WFS1: variants seen among roughly 807,000 people sequenced by gnomAD.
WFS1 encodes the protein wolframin.
A neutral mutation model predicts 68.5 loss-of-function variants in WFS1; 90 were observed. That is an observed-to-expected ratio of 1.31 (90% CI 1.11 to 1.56). The LOEUF is 1.56. Among genes scored for constraint, WFS1 ranks in the 40% most tolerant of loss-of-function variants. The pLI, the probability that WFS1 is intolerant of heterozygous loss-of-function variation, is 0.00. For missense variants in WFS1, 1,767 were observed against 1,232.6 expected, an observed-to-expected ratio of 1.43 and a Z score of -6.49; for synonymous variants, 860 against 540.7, an observed-to-expected ratio of 1.59 and a Z score of -8.19.
At chr4:6,294,693 T>C in intron 6 of WFS1, 1 of 360,638 alleles carries the variant, frequency 2.8e-6, no homozygotes, top group South Asian at 2.3e-5. Flanking sequence ...CAGCATGCAC[T>C]GGAGGTGCAT....
At chr4:6,291,715 G>A (rs1009224030) in intron 5 of WFS1, among the ~76,000 whole-genome samples, 4 of 152,170 alleles carry the variant, frequency 2.6e-5, no homozygotes, top group South Asian at 2.1e-4. Context: ...AGCACGCTAC[G>A]TGGTGCTGAG....
intron 4 of WFS1, 128 bp downstream of exon 4, chr4:6,289,259 G>GT: frequency 1.5e-6 from 2 of 1,309,946 alleles, no homozygotes; most frequent in Non-Finnish European, 1.0e-6. Context: ...TTCAGTTTCT[G>GT]TTTTGCTGGT....
chr4:6,287,042 G>A lies in WFS1; in HGVS notation c.233-51G>A. ...TGCCTTGTCCCCTCCATCCTGACAAGTGACAAAGTCTGGCTTTGTGACATG... is the reference window on the plus strand; with the variant it reads ...TGCCTTGTCCCCTCCATCCTGACAAATGACAAAGTCTGGCTTTGTGACATG... On this transcript the variant is annotated intron_variant, in intron 2 of 7. Transcript: ENST00000226760. This position sits in a 1 kb window ranked among gnomAD's most constrained non-coding sequence, Gnocchi z 6.4. 3 of 1,514,476 alleles carry A rather than the reference G, an allele frequency of 2.0e-6. No individual in the cohort carries two copies. Among genetic ancestry groups the A allele is most frequent in the Non-Finnish European group, 2.7e-6 (3 of 1,113,084 alleles). The allele number at this position is 1,514,476 out of a possible 1,614,324, so 93.8% of individuals were successfully genotyped here.
At chr4:6,279,518 C>T (rs1424199001) in intron 2 of WFS1, among the ~76,000 whole-genome samples, 1 of 152,160 alleles carries the variant, frequency 6.6e-6, no homozygotes, top group African/African-American at 2.4e-5. Flanking sequence ...TCATCTGCGC[C>T]CAGGGATCCC....
chr4:6,278,744 G>T (rs1730069271), intron 2 of WFS1, among the ~76,000 whole-genome samples: 1 of 152,236 alleles, frequency 6.6e-6, no homozygotes, highest in Non-Finnish European at 1.5e-5. Context: ...ACTCACTGCA[G>T]CCCTGGGCCC....
intron 2 of WFS1, among the ~76,000 whole-genome samples, chr4:6,284,211 A>T (rs997682358): frequency 6.6e-6 from 1 of 152,028 alleles, no homozygotes; most frequent in Non-Finnish European, 1.5e-5. Flanking sequence ...CTCTACTAAA[A>T]ATACAAAAAA....
chr4:6,273,742 C>T (rs988247288), intron 1 of WFS1, among the ~76,000 whole-genome samples: 1 of 152,228 alleles, frequency 6.6e-6, no homozygotes, highest in Admixed American at 6.5e-5. Context: ...TTCTGATCTT[C>T]ATTGTCCCTG....
At position 6,301,090 on chromosome 4, in the gene WFS1, T is replaced by G; in HGVS notation, c.1295T>G (p.Leu432Arg). 2 of 1,614,050 alleles carry G rather than the reference T, an allele frequency of 1.2e-6. No homozygotes were observed. The highest frequency in any genetic ancestry group is 1.7e-6 in the Non-Finnish European group (2 of 1,180,020). ...AAGGACTGCATCCCCTGCTCGGAGC[T>G]GGCTGTCATCACCGGCTTCTTTACC... The part of the protein sequence containing the change: ...ASKDCIPCSE[L>R]AVITGFFTVT... Residue 432 changes from leucine (L) to arginine (R), a missense_variant, in exon 8 of 8, where the codon CTG becomes CGG. By Grantham distance (102) the Leu-to-Arg change is moderately radical. Coordinates refer to ENST00000226760, the MANE Select transcript of WFS1 (RefSeq NM_006005.3).
At chr4:6,277,159 G>A (rs1730017482) in intron 1 of WFS1, among the ~76,000 whole-genome samples, 1 of 152,248 alleles carries the variant, frequency 6.6e-6, no homozygotes, top group African/African-American at 2.4e-5. Flanking sequence ...GGAAGGCCAG[G>A]GTTGTGTGGC....
chr4:6,302,757 G>T lies in WFS1; in HGVS notation c.*289G>T. 1 of 532,232 alleles carries T rather than the reference G, an allele frequency of 1.9e-6. No individual in the cohort carries two copies. The highest frequency in any genetic ancestry group is 3.3e-6 in the Non-Finnish European group (1 of 300,766). 33.0% of individuals were successfully genotyped at this position (532,232 alleles called of 1,614,324 possible). On this transcript the variant is annotated 3_prime_UTR_variant, in exon 8 of 8. Coordinates refer to ENST00000226760, the MANE Select transcript of WFS1 (RefSeq NM_006005.3). ...GTGCCAGGCTAGACTAGGAGGTTCC[G>T]GTGTCTGGAAAAGCACTTTACAGAT...
chr4:6,296,801 T>C (rs1396482726), intron 7 of WFS1, among the ~76,000 whole-genome samples: 1 of 152,314 alleles, frequency 6.6e-6, no homozygotes, highest in African/African-American at 2.4e-5. Context: ...GTGAGTCTAG[T>C]GTTGTGTAGC....
At chr4:6,279,342 G>A (rs901812018) in intron 2 of WFS1, among the ~76,000 whole-genome samples, 4 of 152,338 alleles carry the variant, frequency 2.6e-5, no homozygotes, top group African/African-American at 9.6e-5. Flanking sequence ...TAGCCCACTT[G>A]CCTCTTTAAC....
At chr4:6,300,524 TG>T in intron 7 of WFS1, 132 bp from the exon 8 acceptor site, 1 of 1,370,590 alleles carries the variant, frequency 7.3e-7, no homozygotes, top group Non-Finnish European at 1.0e-6. Context: ...ACCACTAGGA[TG>T]GGGCTGGTGA....
In WFS1 at chr4:6,301,029, G is replaced by C. The variant is rs149865710; in HGVS notation, c.1234G>C (p.Val412Leu). ...GCCCTATGCCCATTTCCTGCTCTCT[G>C]TCTTCTTCGTCATCTTCTCCTTCCC... ...LEPYAHFLLSVFFVIFSFPIA... is the reference protein window; with the variant it reads ...LEPYAHFLLSLFFVIFSFPIA... The change falls in exon 8 of 8, where the codon GTC becomes CTC. Residue 412 changes from valine (V) to leucine (L), a missense_variant. Physicochemically the swap from Val to Leu is conservative, Grantham distance 32 (BLOSUM62 1). Coordinates refer to ENST00000226760, the MANE Select transcript of WFS1 (RefSeq NM_006005.3). The C allele has an allele frequency of 1.5e-4, 239 of 1,614,114 alleles. 3 individuals are homozygous for C. In the East Asian group the frequency reaches 5.1e-3, roughly 35 times the overall value.
At chr4:6,272,284 C>T (rs1005908308) in intron 1 of WFS1, among the ~76,000 whole-genome samples, 2 of 152,254 alleles carry the variant, frequency 1.3e-5, no homozygotes, top group African/African-American at 4.8e-5. Flanking sequence ...ACACCTGCTG[C>T]CCATCCAGGC....
intron 2 of WFS1, among the ~76,000 whole-genome samples, chr4:6,280,094 G>A (rs535958010): frequency 1.2e-4 from 18 of 152,338 alleles, no homozygotes; most frequent in South Asian, 6.2e-4. Flanking sequence ...CAGTGACTCC[G>A]GCTAGAAAGG....
intron 1 of WFS1, among the ~76,000 whole-genome samples, chr4:6,271,708 C>G (rs1274171607): frequency 6.6e-6 from 1 of 152,192 alleles, no homozygotes; most frequent in African/African-American, 2.4e-5. Context: ...TGCCCTGGTT[C>G]AGGACCCTCG....
chr4:6,292,044 C>G, intron 6 of WFS1, 47 bp downstream of exon 6: 1 of 1,527,676 alleles, frequency 6.5e-7, no homozygotes, highest in Non-Finnish European at 8.9e-7. Flanking sequence ...CCAGCCTGCA[C>G]CTGCAGGGCG....
At chr4:6,291,891 C>G in intron 5 of WFS1, 26 bp from the exon 6 acceptor site, 6 of 1,600,418 alleles carry the variant, frequency 3.7e-6, no homozygotes, top group Non-Finnish European at 4.3e-6. Context: ...ACTTGTCTGA[C>G]TGTTAATCCA....
Sources: allele counts gnomAD v4.1 joint callset (sites outside exome capture counted in the v4.1 genomes callset), GRCh38; gene constraint gnomAD v4.1.1; non-coding constraint Gnocchi (gnomAD v3.1); transcripts MANE v1.5; gene names NCBI Gene and HGNC (gene_info 2026-07-23, HGNC 2026-07-21).